The following ETFBKMT variants were observed in gnomAD, a reference collection of about 807,000 sequenced individuals.
ETFBKMT encodes the protein electron transfer flavoprotein beta subunit lysine methyltransferase.
ETFBKMT carries 13 observed loss-of-function variants against 18.3 expected under a neutral mutation model. That is an observed-to-expected ratio of 0.71 (90% confidence interval 0.46 to 1.13). The LOEUF (loss-of-function observed/expected upper bound fraction) is 1.13. Among genes scored for constraint, ETFBKMT ranks in the 50% most tolerant of loss-of-function variants. The probability of loss-of-function intolerance (pLI) is 0.00; values close to 1 mark genes in which losing one functional copy is unlikely to be tolerated. For synonymous variants in ETFBKMT, 84 were observed against 107.9 expected (o/e 0.78, Z 1.37); for missense variants, 293 against 306.2 (o/e 0.96, Z 0.32).
At chr12:31,654,992 G>T (rs868314539), upstream of ETFBKMT, among the ~76,000 whole-genome samples, 9 of 151,158 alleles carry the variant, frequency 6.0e-5, no homozygotes, top group African/African-American at 1.2e-4. Flanking sequence ...GGAGGAGAAG[G>T]TTGCAGTGAG....
rs1268681759 is a variant in ETFBKMT at position 31,669,199 on chromosome 12, C to T, written c.*1209C>T. ...GTCTCCTCTGTTATCTTTGAGTTTC[C>T]CTAGAGATTCCTTCTTATATAGAGT... On this transcript the variant is annotated 3_prime_UTR_variant, in exon 4 of 4. Coordinates refer to ENST00000357721, the MANE Select transcript of ETFBKMT (RefSeq NM_001135863.2). The T allele has an allele frequency of 1.3e-5, 2 of 152,110 alleles. No homozygotes were observed. The highest frequency in any genetic ancestry group is 1.3e-4 in the Admixed American group (2 of 15,266). 9.4% of individuals were successfully genotyped at this position (152,110 alleles called of 1,614,324 possible).
At chr12:31,663,701 C>T (rs1951159011) in intron 2 of ETFBKMT, among the ~76,000 whole-genome samples, 1 of 152,216 alleles carries the variant, frequency 6.6e-6, no homozygotes, top group African/African-American at 2.4e-5. Flanking sequence ...TCAGGCTGAC[C>T]TGCGAGTGGT....
chr12:31,672,057 G>T lies in ETFBKMT; in HGVS notation c.*4067G>T. 2.6e-6 allele frequency: 1 copy of T among 385,790 alleles called. No individual in the cohort carries two copies. The highest frequency in any genetic ancestry group is 4.7e-6 in the Non-Finnish European group (1 of 213,218). The allele number at this position is 385,790 out of a possible 1,614,324, so 23.9% of individuals were successfully genotyped here. ...CACCATAGATCAGAGTTCATGCTAG[G>T]ATTATCATTTCAAAAATAATGACTC... On this transcript the variant is annotated 3_prime_UTR_variant, in exon 4 of 4. Coordinates refer to ENST00000357721, the MANE Select transcript of ETFBKMT (RefSeq NM_001135863.2).
chr12:31,654,951 G>A (rs1951047802), upstream of ETFBKMT, among the ~76,000 whole-genome samples: 1 of 152,054 alleles, frequency 6.6e-6, no homozygotes, highest in South Asian at 2.1e-4. Context: ...AGGTACTCGG[G>A]AGGCTGAGGC....
chr12:31,664,628 T>G lies in ETFBKMT; in HGVS notation c.315-1459T>G, dbSNP rs1337540488. Among the ~76,000 whole-genome samples, 3 of 151,138 alleles carry G rather than the reference T, an allele frequency of 2.0e-5. No individual in the cohort carries two copies. The East Asian group carries it at 5.8e-4, about 29-fold the overall frequency. On this transcript the variant is annotated intron_variant, in intron 2 of 3. Coordinates refer to ENST00000357721, the MANE Select transcript of ETFBKMT (RefSeq NM_001135863.2). ...TTTCTTTTTCTTTCTTTTTTTTTTTTTTTTTGAGATGGAGTTTTGCTCTTG... is the reference window on the plus strand; with the variant it reads ...TTTCTTTTTCTTTCTTTTTTTTTTTGTTTTTGAGATGGAGTTTTGCTCTTG...
At position 31,670,474 on chromosome 12, in the gene ETFBKMT, TTTTG is replaced by T. The variant is rs150904472; in HGVS notation, c.*2492_*2495del. On this transcript the variant is annotated 3_prime_UTR_variant, in exon 4 of 4. Transcript: ENST00000357721. ...TTTGTTGTTGTTGTTGGGTGTTTTGTTTTGTTTGTTTTTAGACAGGTCTTGCTCT... is the reference window on the plus strand; with the variant it reads ...TTTGTTGTTGTTGTTGGGTGTTTTGTTTTGTTTTTAGACAGGTCTTGCTCT... 0.074 allele frequency: 11,289 copies of T among 152,250 alleles called. 548 individuals carry two copies. The highest frequency in any genetic ancestry group is 0.21 in the East Asian group (1,082 of 5,160). 9.4% of individuals were successfully genotyped at this position (152,250 alleles called of 1,614,324 possible).
At chr12:31,656,509 C>T (rs779084763), upstream of ETFBKMT, among the ~76,000 whole-genome samples, 5 of 152,166 alleles carry the variant, frequency 3.3e-5, no homozygotes, top group Admixed American at 6.5e-5. Context: ...GGAGCTAGAG[C>T]AGGTTTTAAG....
chr12:31,664,991 C>T (rs959246527), intron 2 of ETFBKMT, among the ~76,000 whole-genome samples: 6 of 148,034 alleles, frequency 4.1e-5, no homozygotes, highest in African/African-American at 1.5e-4. Context: ...GGCTGGAGTG[C>T]AATGGCTTGA....
At chr12:31,658,004 AC>A (rs1951076841), upstream of ETFBKMT, among the ~76,000 whole-genome samples, 2 of 152,110 alleles carry the variant, frequency 1.3e-5, no homozygotes, top group Non-Finnish European at 2.9e-5. Context: ...AGTTATCCAA[AC>A]ATTATTAAAT....
chr12:31,660,622 C>G (rs1951110841), intron 1 of ETFBKMT, among the ~76,000 whole-genome samples: 1 of 152,120 alleles, frequency 6.6e-6, no homozygotes, highest in Admixed American at 6.6e-5. Flanking sequence ...ATCGAACCAT[C>G]AGATACTTTT....
chr12:31,667,621 C>A (rs1449912722), intron 3 of ETFBKMT, 26 bp from the exon 4 acceptor site: 1 of 1,449,524 alleles, frequency 6.9e-7, no homozygotes, highest in Non-Finnish European at 9.5e-7. Context: ...TATACCAATT[C>A]ATTTTGTGCT....
At chr12:31,650,854 A>G (rs900616138) in intron 1 of ETFBKMT, among the ~76,000 whole-genome samples, 2 of 152,160 alleles carry the variant, frequency 1.3e-5, no homozygotes, top group South Asian at 2.1e-4. Flanking sequence ...GACAGGGTCT[A>G]TGCAAACCTG....
Position 31,672,027 on chromosome 12 carries a change from TCCAACACCA to T in ETFBKMT, c.*4038_*4046del, listed in dbSNP as rs1951282746. Reference sequence around the variant, plus strand: ...TTTTAAAGTTATTTAAGAAACAGAATCCAACACCATAGATCAGAGTTCATGCTAGGATTA... The same window carrying T: ...TTTTAAAGTTATTTAAGAAACAGAATTAGATCAGAGTTCATGCTAGGATTA... On this transcript the variant is annotated 3_prime_UTR_variant, in exon 4 of 4. Transcript: ENST00000357721. The T allele has an allele frequency of 3.5e-6, 1 of 283,948 alleles. No homozygotes were observed. The highest frequency in any genetic ancestry group is 6.6e-6 in the Non-Finnish European group (1 of 152,556). 17.6% of individuals were successfully genotyped at this position (283,948 alleles called of 1,614,324 possible).
At chr12:31,665,062 G>A (rs945125723) in intron 2 of ETFBKMT, among the ~76,000 whole-genome samples, 4 of 149,258 alleles carry the variant, frequency 2.7e-5, no homozygotes, top group Admixed American at 1.3e-4. Context: ...TCAGCCTCCC[G>A]AGTAGCTGGG....
intron 1 of ETFBKMT, among the ~76,000 whole-genome samples, chr12:31,652,761 G>A (rs977365984): frequency 6.6e-6 from 1 of 152,168 alleles, no homozygotes; most frequent in African/African-American, 2.4e-5. Context: ...ACAGTGTTTT[G>A]GATTTGCTAG....
upstream of ETFBKMT, among the ~76,000 whole-genome samples, chr12:31,655,095 TA>T (rs34577716): frequency 3.0e-3 from 400 of 131,866 alleles, 1 homozygote; most frequent in African/African-American, 8.3e-3. Context: ...AACAAAAAGA[TA>T]AAAAAAAAAA....
chr12:31,662,462 A>C (rs1484288672), intron 2 of ETFBKMT, among the ~76,000 whole-genome samples, 195 bp downstream of exon 2: 1 of 151,658 alleles, frequency 6.6e-6, no homozygotes, highest in Non-Finnish European at 1.5e-5. Context: ...ACAAAACAGA[A>C]ACCGGCAAAA....
At chr12:31,651,823 C>A (rs190188487) in intron 1 of ETFBKMT, among the ~76,000 whole-genome samples, 42 of 152,246 alleles carry the variant, frequency 2.8e-4, no homozygotes, top group Middle Eastern at 3.4e-3. Flanking sequence ...CTCAGTAAGG[C>A]TTTTCTTTTT....
chr12:31,662,180 G>A lies in ETFBKMT; in HGVS notation c.227G>A (p.Cys76Tyr), dbSNP rs753045070. The A allele has an allele frequency of 1.9e-6, 3 of 1,614,214 alleles. No homozygotes were observed. Among genetic ancestry groups the A allele is most frequent in the African/African-American group, 2.7e-5 (2 of 75,046 alleles). Reference sequence around the variant, plus strand: ...CAGTTGCGGCTTTTGACCCCCAGATGCAAATTCTGGTGGGAGAGAGCTGAC... The same window carrying A: ...CAGTTGCGGCTTTTGACCCCCAGATACAAATTCTGGTGGGAGAGAGCTGAC... The part of the protein sequence containing the change: ...EIQLRLLTPR[C>Y]KFWWERADLW... The change falls in exon 2 of 4, where the codon TGC becomes TAC. Residue 76 changes from cysteine (C) to tyrosine (Y), a missense_variant. Physicochemically the swap from Cys to Tyr is radical, Grantham distance 194. Coordinates refer to ENST00000357721, the MANE Select transcript of ETFBKMT (RefSeq NM_001135863.2).
Sources: gnomAD v4.1 joint callset for allele counts (sites outside exome capture counted in the v4.1 genomes callset) on GRCh38, gnomAD v4.1.1 for gene constraint, MANE v1.5 for transcripts, NCBI Gene and HGNC (gene_info 2026-07-23, HGNC 2026-07-21) for gene names.